The following PI4K2A variants were observed in gnomAD, a reference collection of about 807,000 sequenced individuals.
PI4K2A encodes the protein phosphatidylinositol 4-kinase type 2 alpha.
A neutral mutation model predicts 55.0 loss-of-function variants in PI4K2A; 20 were observed. The observed-to-expected ratio is 0.36, with a 90% CI of 0.26 to 0.53. The LOEUF (loss-of-function observed/expected upper bound fraction) is 0.53. Among genes scored for constraint, PI4K2A ranks in the 20% least tolerant of loss-of-function variants. The probability of loss-of-function intolerance (pLI) is 0.91; values close to 1 mark genes in which losing one functional copy is unlikely to be tolerated. For missense variants in PI4K2A, 463 were observed against 637.1 expected (o/e 0.73, Z 2.94); for synonymous variants, 235 against 258.5 (o/e 0.91, Z 0.87).
rs547144502 is a variant in PI4K2A at position 97,650,900 on chromosome 10, C to T, written c.436-41C>T. The T allele has an allele frequency of 1.4e-5, 21 of 1,505,906 alleles. 1 individual carries two copies. In the South Asian group the frequency reaches 1.8e-4, roughly 13 times the overall value. 93.3% of individuals were successfully genotyped at this position (1,505,906 alleles called of 1,614,324 possible). A position where few individuals can be genotyped will look rare whatever the true frequency, so the allele number is the denominator to read the frequency against. On this transcript the variant is annotated intron_variant, in intron 1 of 8. Coordinates refer to ENST00000370631, the Ensembl canonical transcript of PI4K2A. Reference sequence around the variant, plus strand: ...GACTTGGTCTGTGGGCTATTTTGGTCAACTCGGATTTAACATCCTCTTTTT... The same window carrying T: ...GACTTGGTCTGTGGGCTATTTTGGTTAACTCGGATTTAACATCCTCTTTTT...
chr10:97,647,097 G>T (rs2151934), intron 1 of PI4K2A, among the ~76,000 whole-genome samples: 1 of 152,090 alleles, frequency 6.6e-6, no homozygotes, highest in Non-Finnish European at 1.5e-5. Flanking sequence ...CCAGTAATTG[G>T]TTGTGGGTTC....
chr10:97,640,987 A>G (rs1328111176), exon 1 of PI4K2A: 3 of 1,535,582 alleles, frequency 2.0e-6, no homozygotes, highest in South Asian at 1.2e-5. Flanking sequence ...GCGCAGGCCC[A>G]GGCTCTGGCC....
At chr10:97,669,812 C>T (rs757166642) in intron 8 of PI4K2A, among the ~76,000 whole-genome samples, 4 of 151,922 alleles carry the variant, frequency 2.6e-5, no homozygotes, top group Non-Finnish European at 5.9e-5. Flanking sequence ...CACAGGGACA[C>T]AGTCAGGTGA....
intron 1 of PI4K2A, among the ~76,000 whole-genome samples, chr10:97,643,992 C>T (rs975353412): frequency 1.1e-4 from 17 of 152,246 alleles, no homozygotes; most frequent in Admixed American, 1.0e-3. Context: ...TGGGCCAAGG[C>T]GGGTTGGCTG....
chr10:97,666,461 C>T (rs1446786410), exon 7 of PI4K2A: 2 of 1,612,964 alleles, frequency 1.2e-6, no homozygotes, highest in Non-Finnish European at 1.7e-6. Flanking sequence ...GGCCTGGTTG[C>T]CCCAGGCGAA....
intron 8 of PI4K2A, among the ~76,000 whole-genome samples, chr10:97,667,357 A>G (rs556152667): frequency 6.6e-6 from 1 of 152,068 alleles, no homozygotes; most frequent in Admixed American, 6.6e-5. Context: ...TTACAGGCGC[A>G]TGTCACAACG....
chr10:97,664,900 G>A (rs1167904546), exon 6 of PI4K2A: 5 of 1,613,450 alleles, frequency 3.1e-6, no homozygotes, highest in Admixed American at 1.7e-5. Flanking sequence ...AGACTGGGTG[G>A]TGGTGAAGGA....
intron 4 of PI4K2A, among the ~76,000 whole-genome samples, chr10:97,661,243 G>A (rs1298892918): frequency 6.6e-6 from 1 of 151,896 alleles, no homozygotes; most frequent in Non-Finnish European, 1.5e-5. Context: ...CGCCCACCTC[G>A]GCCTCCCAAA....
At chr10:97,671,692 T>G (rs763718643) in intron 8 of PI4K2A, among the ~76,000 whole-genome samples, 1 of 152,024 alleles carries the variant, frequency 6.6e-6, no homozygotes, top group Non-Finnish European at 1.5e-5. Context: ...TAGACTGGAG[T>G]GCAATGGCAC....
At chr10:97,649,667 A>G (rs977515635) in intron 1 of PI4K2A, among the ~76,000 whole-genome samples, 2 of 114,594 alleles carry the variant, frequency 1.7e-5, no homozygotes, top group Admixed American at 1.3e-4. Flanking sequence ...CTTGTCACCC[A>G]GGCTGGAGTG....
At chr10:97,642,920 CCTTCCTTTCTTT>C (rs2041485389) in intron 1 of PI4K2A, among the ~76,000 whole-genome samples, 1 of 132,908 alleles carries the variant, frequency 7.5e-6, no homozygotes, top group African/African-American at 3.1e-5. Flanking sequence ...TTCCTTCCTT[CCTTCCTTTCTTT>C]CCTTTCTTTC....
chr10:97,660,921 C>T (rs1003863973), intron 4 of PI4K2A, among the ~76,000 whole-genome samples: 2 of 140,310 alleles, frequency 1.4e-5, no homozygotes, highest in Admixed American at 1.4e-4. Context: ...CTGCTACCCC[C>T]ATCCCTGCTG....
At chr10:97,660,583 C>T (rs1445527839) in intron 4 of PI4K2A, among the ~76,000 whole-genome samples, 3 of 152,046 alleles carry the variant, frequency 2.0e-5, no homozygotes, top group Non-Finnish European at 4.4e-5. Flanking sequence ...TGTGAGCCAT[C>T]GAGCCCGGGC....
At chr10:97,663,727 C>T (rs889447573) in intron 5 of PI4K2A, among the ~76,000 whole-genome samples, 4 of 149,746 alleles carry the variant, frequency 2.7e-5, no homozygotes, top group African/African-American at 7.4e-5. Context: ...GGCTGAGACT[C>T]GAGAATGGCT....
At chr10:97,672,881 C>T (rs1472157832) in intron 8 of PI4K2A, among the ~76,000 whole-genome samples, 2 of 151,088 alleles carry the variant, frequency 1.3e-5, no homozygotes, top group African/African-American at 4.9e-5. Flanking sequence ...CAGGTGTGCA[C>T]CACCCCACCT....
intron 1 of PI4K2A, among the ~76,000 whole-genome samples, chr10:97,646,878 G>A (rs527344678): frequency 2.0e-5 from 3 of 151,944 alleles, no homozygotes; most frequent in South Asian, 2.1e-4. Context: ...GGGTTCAAGC[G>A]ATTCTCCCGC....
chr10:97,646,598 CTT>C (rs2135752897), intron 1 of PI4K2A, among the ~76,000 whole-genome samples: 1 of 152,270 alleles, frequency 6.6e-6, no homozygotes, highest in African/African-American at 2.4e-5. Context: ...TAAAAGAAGA[CTT>C]TTATAAAAGG....
intron 1 of PI4K2A, 82 bp from the exon 2 acceptor site, chr10:97,650,859 T>C: frequency 9.6e-7 from 1 of 1,038,730 alleles, no homozygotes; most frequent in Non-Finnish European, 1.5e-6. Context: ...CTGTCATTTC[T>C]TTCCAGATTC....
At chr10:97,651,248 C>T (rs1305839873) in intron 2 of PI4K2A, 107 bp downstream of exon 2, 3 of 764,508 alleles carry the variant, frequency 3.9e-6, no homozygotes, top group Non-Finnish European at 6.6e-6. Flanking sequence ...GTCATTTATA[C>T]CCTAAGTCTG....
Sources: gnomAD v4.1 joint callset for allele counts (sites outside exome capture counted in the v4.1 genomes callset) on GRCh38, gnomAD v4.1.1 for gene constraint, MANE v1.5 for transcripts, NCBI Gene and HGNC (gene_info 2026-07-23, HGNC 2026-07-21) for gene names.